UGGT2: variants seen among roughly 807,000 people sequenced by gnomAD.
The protein encoded by UGGT2 is UDP-glucose glycoprotein glucosyltransferase 2.
In UGGT2, 180 loss-of-function variants were observed where a neutral mutation model predicts 192.1. That is an observed-to-expected ratio of 0.94 (90% CI 0.83 to 1.06). The LOEUF is 1.06. Among genes scored for constraint, UGGT2 ranks in the 50% least tolerant of loss-of-function variants. The pLI is 0.00. For missense variants in UGGT2, 1,849 were observed against 1,795.7 expected (o/e 1.03, Z -0.54); for synonymous variants, 580 against 591.0 (o/e 0.98, Z 0.27).
chr13:95,867,322 G>A lies in UGGT2; in HGVS notation c.3558+17C>T, dbSNP rs1238485118. The A allele has an allele frequency of 6.3e-7, 1 of 1,584,164 alleles. No homozygotes were observed. The highest frequency in any genetic ancestry group is 8.6e-7 in the Non-Finnish European group (1 of 1,164,654). Reference sequence around the variant, plus strand: ...ATATTAAGAACAAAGCCTATAAAAAGTTCTGCCCCCACATACTTTTACTTT... The same window carrying A: ...ATATTAAGAACAAAGCCTATAAAAAATTCTGCCCCCACATACTTTTACTTT... On this transcript the variant is annotated intron_variant, in intron 30 of 38. Coordinates refer to ENST00000376747, the MANE Select transcript of UGGT2 (RefSeq NM_020121.4).
chr13:96,032,017 T>C (rs367896395), intron 1 of UGGT2, 46 bp from the exon 2 acceptor site: 12 of 1,427,608 alleles, frequency 8.4e-6, no homozygotes, highest in East Asian at 2.3e-5. Context: ...GAATTTAAAA[T>C]GGTTTAGATA....
intron 1 of UGGT2, among the ~76,000 whole-genome samples, chr13:96,045,456 A>G (rs537751990): frequency 6.6e-5 from 10 of 152,348 alleles, no homozygotes; most frequent in Non-Finnish European, 1.2e-4. Flanking sequence ...CACCACTTCT[A>G]TTCAACATAG....
chr13:95,909,122 G>A (rs2140328683), intron 20 of UGGT2, among the ~76,000 whole-genome samples: 1 of 152,128 alleles, frequency 6.6e-6, no homozygotes, highest in African/African-American at 2.4e-5. Flanking sequence ...ATTGATTTTT[G>A]TATAAGGTGT....
At chr13:95,881,262 G>A (rs908829570) in intron 27 of UGGT2, among the ~76,000 whole-genome samples, 1 of 152,064 alleles carries the variant, frequency 6.6e-6, no homozygotes, top group Non-Finnish European at 1.5e-5. Flanking sequence ...AGTGGGTGGG[G>A]GTATCTTAGA....
chr13:95,885,137 T>C (rs958007519), intron 26 of UGGT2, among the ~76,000 whole-genome samples: 8 of 152,208 alleles, frequency 5.3e-5, no homozygotes, highest in African/African-American at 1.7e-4. Flanking sequence ...AAAGCTCAAC[T>C]AAAAACAAAT....
chr13:95,805,271 A>T (rs1181887117), intron 38 of UGGT2, among the ~76,000 whole-genome samples: 1 of 107,120 alleles, frequency 9.3e-6, no homozygotes, highest in Non-Finnish European at 1.9e-5. Flanking sequence ...TGACTGCTAT[A>T]AAAAAAAAAA....
At chr13:95,948,874 G>A (rs1042108744) in intron 13 of UGGT2, among the ~76,000 whole-genome samples, 8 of 152,190 alleles carry the variant, frequency 5.3e-5, no homozygotes, top group Non-Finnish European at 1.2e-4. Context: ...TGCCGTAGGA[G>A]GGACCCAGTA....
In UGGT2 at chr13:96,015,232, C is replaced by T. The variant is rs545271979; in HGVS notation, c.486-1751G>A. The stretch of plus-strand genomic sequence containing the variant: ...GGTGGAGCTTGCAGTGAGCCGAGAT[C>T]GCATCACTGCACTCCAGTCTGGGCA... On this transcript the variant is annotated intron_variant, in intron 4 of 38. Coordinates refer to ENST00000376747, the MANE Select transcript of UGGT2 (RefSeq NM_020121.4). Among the ~76,000 whole-genome samples the T allele has an allele frequency of 2.1e-3, 307 of 148,860 alleles. 1 individual carries two copies. Among genetic ancestry groups the T allele is most frequent in the Non-Finnish European group, 3.7e-3 (249 of 67,514 alleles).
chr13:95,955,715 G>C (rs2050193958), intron 12 of UGGT2, among the ~76,000 whole-genome samples: 1 of 152,082 alleles, frequency 6.6e-6, no homozygotes, highest in South Asian at 2.1e-4. Flanking sequence ...GCCTCCCTAA[G>C]TTTTCAGTTT....
chr13:95,908,357 T>C (rs1289170965), intron 20 of UGGT2, among the ~76,000 whole-genome samples: 1 of 152,114 alleles, frequency 6.6e-6, no homozygotes, highest in East Asian at 1.9e-4. Flanking sequence ...TTCCCCAACC[T>C]AGCAAGGCAG....
chr13:95,849,476 G>T (rs1291055048), intron 36 of UGGT2, among the ~76,000 whole-genome samples: 1 of 151,188 alleles, frequency 6.6e-6, no homozygotes, highest in Non-Finnish European at 1.5e-5. Context: ...CCAGGAGGCG[G>T]AGCTTGCAGT....
At chr13:95,927,811 C>G (rs868463979) in intron 17 of UGGT2, among the ~76,000 whole-genome samples, 3 of 152,138 alleles carry the variant, frequency 2.0e-5, no homozygotes, top group Non-Finnish European at 4.4e-5. Flanking sequence ...AGGGCCCTGC[C>G]GCCTTCCGCA....
intron 20 of UGGT2, among the ~76,000 whole-genome samples, chr13:95,924,588 T>A (rs889461918): frequency 2.0e-5 from 3 of 152,016 alleles, no homozygotes; most frequent in African/African-American, 7.2e-5. Flanking sequence ...TCATGCCCTG[T>A]AAAGCACCTT....
intron 12 of UGGT2, among the ~76,000 whole-genome samples, chr13:95,964,330 A>C (rs2050498442): frequency 6.6e-6 from 1 of 152,184 alleles, no homozygotes; most frequent in African/African-American, 2.4e-5. Context: ...AGATGGATTA[A>C]AGACTTAAAC....
intron 24 of UGGT2, among the ~76,000 whole-genome samples, chr13:95,891,294 T>C (rs2047794152): frequency 1.3e-5 from 2 of 152,208 alleles, no homozygotes; most frequent in Non-Finnish European, 2.9e-5. Context: ...AAAGCTAAGA[T>C]GCTTTTGTGT....
chr13:95,852,511 T>A (rs1176544401), intron 36 of UGGT2, among the ~76,000 whole-genome samples: 1 of 152,184 alleles, frequency 6.6e-6, no homozygotes, highest in South Asian at 2.1e-4. Context: ...TTAAATATTA[T>A]TTTTAAAATT....
At chr13:96,034,733 G>A (rs547674206) in intron 1 of UGGT2, among the ~76,000 whole-genome samples, 18 of 152,324 alleles carry the variant, frequency 1.2e-4, no homozygotes, top group African/African-American at 3.6e-4. Flanking sequence ...GCCTGGTCGA[G>A]CCACAGTCTT....
chr13:95,895,093 T>C, intron 23 of UGGT2, 87 bp downstream of exon 23: 4 of 1,337,686 alleles, frequency 3.0e-6, no homozygotes, highest in South Asian at 2.8e-5. Context: ...TACTTGTCTA[T>C]ATATTTGAAA....
chr13:95,836,728 C>T (rs186807975), intron 37 of UGGT2, among the ~76,000 whole-genome samples: 7 of 152,286 alleles, frequency 4.6e-5, no homozygotes, highest in South Asian at 2.1e-4. Flanking sequence ...AAGCTTGTCC[C>T]GTGTGATATC....
Sources: allele counts gnomAD v4.1 joint callset (sites outside exome capture counted in the v4.1 genomes callset), GRCh38; gene constraint gnomAD v4.1.1; transcripts MANE v1.5; gene names NCBI Gene and HGNC (gene_info 2026-07-23, HGNC 2026-07-21).